The following RALGAPA2 variants were observed in gnomAD, a reference collection of about 807,000 sequenced individuals.
The protein encoded by RALGAPA2 is ral GTPase-activating protein subunit alpha-2.
A neutral mutation model predicts 230.4 loss-of-function variants in RALGAPA2; 139 were observed. The ratio of observed to expected loss-of-function variants is 0.60; its 90% confidence interval spans 0.53 to 0.69. The LOEUF (loss-of-function observed/expected upper bound fraction) is 0.69, where lower values mean the gene tolerates loss of function less well. Among genes scored for constraint, RALGAPA2 ranks in the 30% least tolerant of loss-of-function variants. RALGAPA2 has a pLI of 0.00. For missense variants in RALGAPA2, 2,163 were observed against 2,276.0 expected, an observed-to-expected ratio of 0.95 and a Z score of 1.01; for synonymous variants, 847 against 837.8, an observed-to-expected ratio of 1.01 and a Z score of -0.19.
At chr20:20,469,878 A>G (rs1332744923) in intron 37 of RALGAPA2, among the ~76,000 whole-genome samples, 1 of 152,198 alleles carries the variant, frequency 6.6e-6, no homozygotes, top group Non-Finnish European at 1.5e-5. Flanking sequence ...AGCAGATGGC[A>G]GGTGAGTTGG....
chr20:20,485,724 C>G (rs911079678), intron 36 of RALGAPA2, among the ~76,000 whole-genome samples: 1 of 152,164 alleles, frequency 6.6e-6, no homozygotes, highest in African/African-American at 2.4e-5. Flanking sequence ...GAGAGTATTC[C>G]CAATTCCTCC....
intron 1 of RALGAPA2, among the ~76,000 whole-genome samples, chr20:20,697,650 G>A (rs1221503315): frequency 2.0e-5 from 3 of 152,142 alleles, no homozygotes; most frequent in Non-Finnish European, 4.4e-5. Context: ...CCCAGCGATT[G>A]GTACAGGAAT....
intron 21 of RALGAPA2, 74 bp from the exon 22 acceptor site, chr20:20,572,020 T>A (rs973637398): frequency 6.0e-6 from 6 of 998,010 alleles, no homozygotes; most frequent in Non-Finnish European, 9.3e-6. Flanking sequence ...CAGTCTTCTG[T>A]GACCATATAG....
intron 1 of RALGAPA2, among the ~76,000 whole-genome samples, chr20:20,690,542 A>G (rs537211959): frequency 6.6e-6 from 1 of 152,054 alleles, no homozygotes; most frequent in South Asian, 2.1e-4. Flanking sequence ...GGGCATCACT[A>G]ATCTCACCCT....
intron 5 of RALGAPA2, 61 bp downstream of exon 5, chr20:20,643,445 C>G (rs530809002): frequency 1.4e-6 from 2 of 1,405,386 alleles, no homozygotes; most frequent in South Asian, 2.7e-5. Context: ...AACATTGTTA[C>G]TTTGTGGCAT....
chr20:20,610,099 T>C (rs1040377033), intron 14 of RALGAPA2, among the ~76,000 whole-genome samples: 2 of 151,130 alleles, frequency 1.3e-5, no homozygotes, highest in African/African-American at 2.5e-5. Flanking sequence ...GTCCTACCCA[T>C]ATTCTAGATA....
intron 37 of RALGAPA2, among the ~76,000 whole-genome samples, chr20:20,454,294 T>C (rs572592074): frequency 6.6e-6 from 1 of 152,326 alleles, no homozygotes; most frequent in East Asian, 1.9e-4. Flanking sequence ...ATACAGTGTG[T>C]CATTCACTAA....
chr20:20,552,266 G>A (rs1486176630), intron 23 of RALGAPA2, among the ~76,000 whole-genome samples: 4 of 152,058 alleles, frequency 2.6e-5, no homozygotes, highest in African/African-American at 7.2e-5. Flanking sequence ...CCTTTCCTTC[G>A]TGGACTTGCG....
At chr20:20,431,625 A>C (rs2060503624) in intron 37 of RALGAPA2, among the ~76,000 whole-genome samples, 1 of 152,224 alleles carries the variant, frequency 6.6e-6, no homozygotes, top group Non-Finnish European at 1.5e-5. Context: ...CATATGCAAA[A>C]AAATTAAGCA....
At chr20:20,628,372 G>A (rs1013239937) in intron 10 of RALGAPA2, among the ~76,000 whole-genome samples, 1 of 152,076 alleles carries the variant, frequency 6.6e-6, no homozygotes, top group African/African-American at 2.4e-5. Context: ...TACTTTTCAG[G>A]TCTATGGACA....
In RALGAPA2 at chr20:20,712,593, G is replaced by A. The variant is rs1350118325; in HGVS notation, c.-113C>T. 39 of 1,200,076 alleles carry A rather than the reference G, an allele frequency of 3.2e-5. No homozygotes were observed. Among genetic ancestry groups the A allele is most frequent in the Non-Finnish European group, 2.9e-5 (28 of 956,794 alleles). 74.3% of individuals were successfully genotyped at this position (1,200,076 alleles called of 1,614,324 possible). On this transcript the variant is annotated 5_prime_UTR_variant, in exon 1 of 40. Transcript: ENST00000202677. This position sits in a 1 kb window ranked among gnomAD's most constrained non-coding sequence, Gnocchi z 5.5. ...TCGCGCGGGCCACTCGCCGCCCCCA[G>A]CCCCGCTGCTGCCGCCGCCGCCGCC...
chr20:20,693,988 CA>C lies in RALGAPA2; in HGVS notation c.107-13188del, dbSNP rs540337572. ...ACATGGTGGCGTGTGCCTGTAGTCC[CA>C]ACTACTTGGGAGGCTGAGATGAGAG... On this transcript the variant is annotated intron_variant, in intron 1 of 39. Transcript: ENST00000202677. 8.9e-4 allele frequency among the ~76,000 whole-genome samples: 136 copies of C among 151,966 alleles called. 1 individual carries two copies. Among genetic ancestry groups the C allele is most frequent in the African/African-American group, 3.2e-3 (131 of 41,444 alleles).
chr20:20,513,172 G>A lies in RALGAPA2; in HGVS notation c.4197C>T (p.His1399=), dbSNP rs377163603. ...YPLSGGPAIL[H]SLVSENHDNA... The stretch of plus-strand genomic sequence containing the variant: ...TGTCATGGTTCTCGCTGACAAGGCT[G>A]TGCAGTATGGCAGGGCCCCCACTGA... The change falls in exon 32 of 40, where the codon CAC becomes CAT. Residue 1399 remains histidine (H), a synonymous_variant. Coordinates refer to ENST00000202677, the MANE Select transcript of RALGAPA2 (RefSeq NM_020343.4). 1.9e-5 allele frequency: 30 copies of A among 1,545,006 alleles called. No individual in the cohort carries two copies. In the African/African-American group the frequency reaches 4.1e-4, roughly 21 times the overall value.
intron 27 of RALGAPA2, among the ~76,000 whole-genome samples, chr20:20,531,328 C>G (rs1257146782): frequency 6.6e-6 from 1 of 152,224 alleles, no homozygotes; most frequent in Non-Finnish European, 1.5e-5. Context: ...AGAGGCCTAA[C>G]TGGAAGGTGT....
chr20:20,400,185 GGCCAGTGGGAATTA>G (rs1454858686), intron 38 of RALGAPA2, among the ~76,000 whole-genome samples: 2 of 152,190 alleles, frequency 1.3e-5, no homozygotes, highest in Admixed American at 1.3e-4. Flanking sequence ...GGCAACCCAA[GGCCAGTGGGAATTA>G]GCCAGCCTAA....
At chr20:20,523,070 G>C (rs1480481346) in intron 30 of RALGAPA2, among the ~76,000 whole-genome samples, 1 of 151,908 alleles carries the variant, frequency 6.6e-6, no homozygotes, top group Admixed American at 6.6e-5. Context: ...TAAAAATAAG[G>C]CAACAAAGTA....
At chr20:20,524,117 C>T (rs1389668101) in intron 30 of RALGAPA2, among the ~76,000 whole-genome samples, 7 of 152,046 alleles carry the variant, frequency 4.6e-5, no homozygotes, top group African/African-American at 1.4e-4. Flanking sequence ...CCACCACGCC[C>T]GGCTAATTTT....
At chr20:20,553,595 C>T (rs945066198) in intron 23 of RALGAPA2, among the ~76,000 whole-genome samples, 16 of 152,072 alleles carry the variant, frequency 1.1e-4, no homozygotes, top group African/African-American at 3.9e-4. Flanking sequence ...TAGAACTTCT[C>T]ACCAGCAGAA....
At chr20:20,702,052 A>AAAG (rs2069400412) in intron 1 of RALGAPA2, among the ~76,000 whole-genome samples, 1 of 151,946 alleles carries the variant, frequency 6.6e-6, no homozygotes, top group African/African-American at 2.4e-5. Flanking sequence ...TAAAAAAAAA[A>AAAG]AAAGAAAGAA....
Sources: allele counts gnomAD v4.1 joint callset (sites outside exome capture counted in the v4.1 genomes callset), GRCh38; gene constraint gnomAD v4.1.1; non-coding constraint Gnocchi (gnomAD v3.1); transcripts MANE v1.5; gene names NCBI Gene and HGNC (gene_info 2026-07-23, HGNC 2026-07-21).